The following NELL1 variants were observed in gnomAD, a reference collection of about 807,000 sequenced individuals.
NELL1 encodes the protein protein kinase C-binding protein NELL1.
In NELL1, 76 loss-of-function variants were observed where a neutral mutation model predicts 107.4. The observed-to-expected ratio is 0.71, with a 90% confidence interval of 0.59 to 0.86. NELL1 has a LOEUF of 0.86. Among genes scored for constraint, NELL1 ranks in the 40% least tolerant of loss-of-function variants. NELL1 has a pLI of 0.00. For synonymous variants in NELL1, 353 were observed against 341.2 expected (o/e 1.03, Z -0.38); for missense variants, 1,024 against 1,005.5 (o/e 1.02, Z -0.25).
At chr11:20,781,070 A>G (rs1156471700) in intron 2 of NELL1, among the ~76,000 whole-genome samples, 1 of 152,208 alleles carries the variant, frequency 6.6e-6, no homozygotes, top group East Asian at 1.9e-4. Flanking sequence ...AGAAGGCAGT[A>G]TGGAAGCAGG....
intron 2 of NELL1, among the ~76,000 whole-genome samples, chr11:20,741,275 T>C (rs1855883749): frequency 6.6e-6 from 1 of 152,178 alleles, no homozygotes; most frequent in Non-Finnish European, 1.5e-5. Flanking sequence ...TGATTCTTAA[T>C]CCACGTCCCA....
rs1856364898 is a variant in NELL1, at chr11:21,161,363, C to T, written c.1426+47649C>T. ...GACTAGCCTGGCCAACATAGCAAAA[C>T]CTGTCTCTACTAAAAATACAAAACT... On this transcript the variant is annotated intron_variant, in intron 13 of 19. Transcript: ENST00000357134. Among the ~76,000 whole-genome samples, 9 of 152,082 alleles carry T rather than the reference C, an allele frequency of 5.9e-5. 1 individual carries two copies. Among genetic ancestry groups the T allele is most frequent in the Admixed American group, 5.9e-4 (9 of 15,260 alleles).
intron 15 of NELL1, among the ~76,000 whole-genome samples, chr11:21,508,146 A>G (rs1217350661): frequency 6.6e-6 from 1 of 152,194 alleles, no homozygotes; most frequent in Non-Finnish European, 1.5e-5. Flanking sequence ...CACTAATAGG[A>G]GAAAGAGACA....
chr11:21,364,269 G>T (rs1851158129), intron 14 of NELL1, among the ~76,000 whole-genome samples: 1 of 151,768 alleles, frequency 6.6e-6, no homozygotes, highest in Non-Finnish European at 1.5e-5. Flanking sequence ...AAATTAGCTG[G>T]GCGTGGTGGC....
At chr11:21,424,392 C>T (rs542073230) in intron 15 of NELL1, among the ~76,000 whole-genome samples, 76 of 151,912 alleles carry the variant, frequency 5.0e-4, no homozygotes, top group Non-Finnish European at 6.0e-4. Context: ...AGGCTGAGGC[C>T]GGCGGATCAC....
At chr11:20,709,622 G>A (rs111836366) in intron 2 of NELL1, among the ~76,000 whole-genome samples, 7,066 of 152,076 alleles carry the variant, frequency 0.046, 553 homozygotes, top group African/African-American at 0.16. Context: ...TCTGTAGATT[G>A]CTTTTGGCAC....
intron 12 of NELL1, among the ~76,000 whole-genome samples, chr11:21,057,113 G>A (rs1853631578): frequency 6.6e-6 from 1 of 152,022 alleles, no homozygotes; most frequent in Admixed American, 6.6e-5. Context: ...AATATATTAA[G>A]AACTTTGTCA....
At chr11:21,358,279 T>A (rs1277159632) in intron 14 of NELL1, among the ~76,000 whole-genome samples, 2 of 152,238 alleles carry the variant, frequency 1.3e-5, no homozygotes. Flanking sequence ...TCCATGAGCA[T>A]AGGATGTGTC....
chr11:20,903,957 C>A (rs1474806218), intron 5 of NELL1, among the ~76,000 whole-genome samples: 3 of 152,148 alleles, frequency 2.0e-5, no homozygotes, highest in African/African-American at 7.2e-5. Flanking sequence ...AACCCAGTGG[C>A]AGTCCTGAAA....
intron 15 of NELL1, among the ~76,000 whole-genome samples, chr11:21,483,447 G>A (rs1854542108): frequency 6.6e-6 from 1 of 152,102 alleles, no homozygotes; most frequent in Admixed American, 6.6e-5. Flanking sequence ...CTGCTACACA[G>A]GGTTAAATGT....
intron 6 of NELL1, among the ~76,000 whole-genome samples, chr11:20,918,677 C>A (rs564103629): frequency 6.6e-6 from 1 of 151,944 alleles, no homozygotes; most frequent in Non-Finnish European, 1.5e-5. Context: ...TATTCACTAC[C>A]ATAAGAATAG....
At chr11:20,833,879 G>T (rs1211538399) in intron 3 of NELL1, among the ~76,000 whole-genome samples, 1 of 152,138 alleles carries the variant, frequency 6.6e-6, no homozygotes, top group East Asian at 1.9e-4. Context: ...TAGAGGGCAA[G>T]ATAGAGAGTG....
intron 15 of NELL1, among the ~76,000 whole-genome samples, chr11:21,433,886 G>T (rs530436204): frequency 1.8e-4 from 28 of 152,148 alleles, no homozygotes; most frequent in African/African-American, 5.8e-4. Flanking sequence ...TGTTGATCAG[G>T]CTGGTCTCGA....
At chr11:21,207,752 CACA>C (rs1424495304) in intron 13 of NELL1, among the ~76,000 whole-genome samples, 1 of 152,168 alleles carries the variant, frequency 6.6e-6, no homozygotes, top group Non-Finnish European at 1.5e-5. Context: ...GTATTTTACT[CACA>C]CACACCAACT....
At chr11:21,312,765 G>C (rs1849777027) in intron 14 of NELL1, among the ~76,000 whole-genome samples, 1 of 152,138 alleles carries the variant, frequency 6.6e-6, no homozygotes, top group Admixed American at 6.6e-5. Context: ...AAGTGAAATA[G>C]ACAGGAATGG....
chr11:21,337,819 T>TC (rs1491421746), intron 14 of NELL1, among the ~76,000 whole-genome samples: 5 of 27,064 alleles, frequency 1.8e-4, no homozygotes, highest in African/African-American at 6.5e-4. Context: ...TTGCTTTCCT[T>TC]CTTTCTTTCT....
intron 13 of NELL1, among the ~76,000 whole-genome samples, chr11:21,122,605 A>G (rs1363506868): frequency 1.3e-5 from 2 of 152,170 alleles, no homozygotes; most frequent in African/African-American, 4.8e-5. Flanking sequence ...AATGAAAGCT[A>G]TAAATTCTCA....
intron 14 of NELL1, among the ~76,000 whole-genome samples, chr11:21,290,778 A>C (rs1849239314): frequency 6.6e-6 from 1 of 152,224 alleles, no homozygotes; most frequent in Admixed American, 6.5e-5. Context: ...GAAAACTAAC[A>C]GAAAGGAATA....
intron 13 of NELL1, among the ~76,000 whole-genome samples, chr11:21,176,273 T>C (rs1231482867): frequency 2.0e-5 from 3 of 151,954 alleles, no homozygotes; most frequent in Non-Finnish European, 4.4e-5. Context: ...TTGTTTTGAA[T>C]TCCACCTTAG....
Sources: allele counts gnomAD v4.1 joint callset (sites outside exome capture counted in the v4.1 genomes callset), GRCh38; gene constraint gnomAD v4.1.1; transcripts MANE v1.5; gene names NCBI Gene and HGNC (gene_info 2026-07-23, HGNC 2026-07-21).